Variants in ALCAM observed in about 807,000 individuals in gnomAD.
The protein encoded by ALCAM is CD166 antigen.
A neutral mutation model predicts 70.9 loss-of-function variants in ALCAM; 30 were observed. The ratio of observed to expected loss-of-function variants is 0.42; its 90% confidence interval spans 0.32 to 0.57. The LOEUF (loss-of-function observed/expected upper bound fraction) is 0.57, where lower values mean the gene tolerates loss of function less well. ALCAM is among the 20% of genes least tolerant of loss of function. The pLI is 0.11. For missense variants in ALCAM, 591 were observed against 695.1 expected (o/e 0.85, Z 1.68); for synonymous variants, 249 against 242.5 (o/e 1.03, Z -0.25).
At chr3:105,378,579 A>C (rs1305400749) in intron 1 of ALCAM, among the ~76,000 whole-genome samples, 1 of 151,814 alleles carries the variant, frequency 6.6e-6, no homozygotes, top group Non-Finnish European at 1.5e-5. Context: ...TCCATTACAT[A>C]AATCCCCTGT....
chr3:105,367,271 C>T lies in ALCAM; in HGVS notation c.-138C>T. The stretch of plus-strand genomic sequence containing the variant: ...GAGAACCGAAGGTGCAGCGCCACAG[C>T]CCAGGGGACGGTGTGTCTGGGAGAA... On this transcript the variant is annotated 5_prime_UTR_variant, in exon 1 of 16. Transcript: ENST00000306107. The T allele has an allele frequency of 3.8e-6, 3 of 787,954 alleles. No homozygotes were observed. Among genetic ancestry groups the T allele is most frequent in the South Asian group, 1.7e-5 (1 of 59,964 alleles). 48.8% of individuals were successfully genotyped at this position (787,954 alleles called of 1,614,324 possible). A position where few individuals can be genotyped will look rare whatever the true frequency, so the allele number is the denominator to read the frequency against.
Position 105,524,348 on chromosome 3 carries a change from G to T in ALCAM, c.234G>T (p.Val78=). The part of the protein sequence containing the change: ...IAFRSSTKKS[V]QYDDVPEYKD... The stretch of plus-strand genomic sequence containing the variant: ...TCAGATCCTCTACAAAGAAAAGTGT[G>T]CAGTACGACGATGTACCAGAATACA... Residue 78 remains valine (V), a synonymous_variant, in exon 3 of 16, where the codon GTG becomes GTT. Coordinates refer to ENST00000306107, the MANE Select transcript of ALCAM (RefSeq NM_001627.4). 4.3e-6 allele frequency: 7 copies of T among 1,614,122 alleles called. No homozygotes were observed. Among genetic ancestry groups the T allele is most frequent in the Non-Finnish European group, 5.9e-6 (7 of 1,179,990 alleles).
chr3:105,403,018 C>T (rs1485722448), intron 1 of ALCAM, among the ~76,000 whole-genome samples: 3 of 147,202 alleles, frequency 2.0e-5, no homozygotes, highest in African/African-American at 7.6e-5. Flanking sequence ...GCAATCTCAG[C>T]TCATTGCAAC....
intron 1 of ALCAM, among the ~76,000 whole-genome samples, chr3:105,381,940 TTTA>T (rs921175198): frequency 1.7e-4 from 25 of 151,272 alleles, no homozygotes; most frequent in Admixed American, 4.6e-4. Context: ...TTTTTTCTTT[TTTA>T]TTATTATTAT....
At chr3:105,507,979 A>G (rs1191104073) in intron 1 of ALCAM, among the ~76,000 whole-genome samples, 3 of 152,132 alleles carry the variant, frequency 2.0e-5, no homozygotes, top group African/African-American at 7.2e-5. Context: ...AAAAAGCCTC[A>G]TTAGACTTCT....
At chr3:105,559,366 T>A (rs1576241752) in intron 14 of ALCAM, among the ~76,000 whole-genome samples, 2 of 148,608 alleles carry the variant, frequency 1.3e-5, no homozygotes, top group South Asian at 2.1e-4. Flanking sequence ...GGGGTGGCTT[T>A]AAAAAAAAAC....
chr3:105,524,722 AAT>A, intron 3 of ALCAM: 1 of 1,311,418 alleles, frequency 7.6e-7, no homozygotes, highest in Non-Finnish European at 9.7e-7. Flanking sequence ...GAGGAACTAA[AAT>A]AATATTCTCT....
chr3:105,410,749 C>T (rs1032369331), intron 1 of ALCAM, among the ~76,000 whole-genome samples: 1 of 151,944 alleles, frequency 6.6e-6, no homozygotes, highest in African/African-American at 2.4e-5. Flanking sequence ...TAAATTGCTT[C>T]ATCTGTGAAA....
At chr3:105,453,535 A>G (rs536038029) in intron 1 of ALCAM, among the ~76,000 whole-genome samples, 1 of 152,164 alleles carries the variant, frequency 6.6e-6, no homozygotes, top group Non-Finnish European at 1.5e-5. Context: ...CTTTTTGTTT[A>G]GGATTGTCTT....
Position 105,539,979 on chromosome 3 carries a change from T to C in ALCAM, c.735T>C (p.Pro245=). 6.2e-7 allele frequency: 1 copy of C among 1,612,156 alleles called. No individual in the cohort carries two copies. Among genetic ancestry groups the C allele is most frequent in the Non-Finnish European group, 8.5e-7 (1 of 1,178,718 alleles). Residue 245 remains proline (P), a synonymous_variant, in exon 7 of 16, where the codon CCT becomes CCC. Coordinates refer to ENST00000306107, the MANE Select transcript of ALCAM (RefSeq NM_001627.4). ...SEQAVFDIYY[P]TEQVTIQVLP... Reference sequence around the variant, plus strand: ...TTGTGTCTGTAACTCTTACAGATCCTACAGAGCAGGTGACAATACAAGTGC... The same window carrying C: ...TTGTGTCTGTAACTCTTACAGATCCCACAGAGCAGGTGACAATACAAGTGC...
At chr3:105,549,284 T>C (rs1303460518) in intron 11 of ALCAM, among the ~76,000 whole-genome samples, 1 of 151,442 alleles carries the variant, frequency 6.6e-6, no homozygotes, top group Non-Finnish European at 1.5e-5. Context: ...TCTGTTATTT[T>C]ACAACTAGAA....
At chr3:105,479,308 T>C (rs1420049117) in intron 1 of ALCAM, among the ~76,000 whole-genome samples, 1 of 152,146 alleles carries the variant, frequency 6.6e-6, no homozygotes, top group Non-Finnish European at 1.5e-5. Context: ...AAATATATAC[T>C]ACAGGATAAG....
At chr3:105,400,088 A>C (rs1936051490) in intron 1 of ALCAM, among the ~76,000 whole-genome samples, 1 of 152,168 alleles carries the variant, frequency 6.6e-6, no homozygotes, top group Admixed American at 6.6e-5. Context: ...TAAGCATAAT[A>C]GTTGGAAGGG....
intron 1 of ALCAM, among the ~76,000 whole-genome samples, chr3:105,478,327 T>C (rs1176122931): frequency 6.6e-6 from 1 of 152,164 alleles, no homozygotes; most frequent in Non-Finnish European, 1.5e-5. Context: ...CATGCATATA[T>C]GATTTGAGGT....
intron 1 of ALCAM, among the ~76,000 whole-genome samples, chr3:105,390,815 C>A (rs1935798211): frequency 6.6e-6 from 1 of 152,116 alleles, no homozygotes; most frequent in Non-Finnish European, 1.5e-5. Flanking sequence ...CTGCGTATGG[C>A]TAGCCAGTTT....
chr3:105,394,538 C>T (rs1451310581), intron 1 of ALCAM, among the ~76,000 whole-genome samples: 5 of 151,936 alleles, frequency 3.3e-5, no homozygotes. Flanking sequence ...TAGATGCCTT[C>T]CAGCTAGTCT....
chr3:105,487,456 C>G (rs1938462220), intron 1 of ALCAM, among the ~76,000 whole-genome samples: 1 of 152,020 alleles, frequency 6.6e-6, no homozygotes, highest in African/African-American at 2.4e-5. Flanking sequence ...TTCTCCCTAG[C>G]TTATGTCACA....
intron 1 of ALCAM, among the ~76,000 whole-genome samples, chr3:105,495,319 A>G (rs1290923111): frequency 6.6e-6 from 1 of 152,202 alleles, no homozygotes; most frequent in Non-Finnish European, 1.5e-5. Context: ...GGCTGCTGAT[A>G]TCTCAGATTC....
At chr3:105,424,138 A>G (rs540899422) in intron 1 of ALCAM, among the ~76,000 whole-genome samples, 79 of 151,634 alleles carry the variant, frequency 5.2e-4, no homozygotes, top group African/African-American at 1.9e-3. Flanking sequence ...CTTGTGTCTG[A>G]GAAATTGTAT....
Sources: gnomAD v4.1 joint callset for allele counts (sites outside exome capture counted in the v4.1 genomes callset) on GRCh38, gnomAD v4.1.1 for gene constraint, MANE v1.5 for transcripts, NCBI Gene and HGNC (gene_info 2026-07-23, HGNC 2026-07-21) for gene names.